SGCD: variants seen among roughly 807,000 people sequenced by gnomAD.
The protein encoded by SGCD is delta-sarcoglycan.
SGCD carries 18 observed loss-of-function variants against 36.6 expected under a neutral mutation model. The observed-to-expected ratio is 0.49, with a 90% CI of 0.34 to 0.73. The LOEUF (loss-of-function observed/expected upper bound fraction) is 0.73. SGCD is among the 30% of genes least tolerant of loss of function. The pLI is 0.01. For missense variants in SGCD, 387 were observed against 346.7 expected, an observed-to-expected ratio of 1.12 and a Z score of -0.92; for synonymous variants, 133 against 130.6, an observed-to-expected ratio of 1.02 and a Z score of -0.12.
chr5:156,519,184 G>A lies in SGCD; in HGVS notation c.294+10482G>A, dbSNP rs187924822. ...TGATCCCACAGAAATAGAAACAGCC[G>A]TCAGAGAATACTATAAACACCTCTA... On this transcript the variant is annotated intron_variant, in intron 4 of 8. Transcript: ENST00000337851. 4.8e-4 allele frequency among the ~76,000 whole-genome samples: 73 copies of A among 151,930 alleles called. 1 individual carries two copies. The highest frequency in any genetic ancestry group is 1.3e-3 in the African/African-American group (55 of 41,486).
At chr5:155,975,569 A>G (rs1404564832) in intron 1 of SGCD, among the ~76,000 whole-genome samples, 2 of 114,122 alleles carry the variant, frequency 1.8e-5, no homozygotes, top group African/African-American at 3.3e-5. Flanking sequence ...TGCGTTTACT[A>G]TATTCAGAGA....
chr5:156,419,273 G>A (rs570381591), intron 3 of SGCD, among the ~76,000 whole-genome samples: 47 of 152,094 alleles, frequency 3.1e-4, no homozygotes, highest in Non-Finnish European at 5.7e-4. Flanking sequence ...ATTTATCTTA[G>A]CAAAAGAATG....
intron 4 of SGCD, among the ~76,000 whole-genome samples, chr5:156,547,441 CTT>C (rs398065337): frequency 6.9e-6 from 1 of 145,170 alleles, no homozygotes; most frequent in Non-Finnish European, 1.5e-5. Context: ...GATAATATGA[CTT>C]TTTTTTTTTT....
At chr5:156,014,046 A>G (rs1198736971) in intron 1 of SGCD, among the ~76,000 whole-genome samples, 1 of 151,600 alleles carries the variant, frequency 6.6e-6, no homozygotes, top group Non-Finnish European at 1.5e-5. Context: ...ATTTTGCTGG[A>G]TCAATCTTTT....
intron 3 of SGCD, among the ~76,000 whole-genome samples, chr5:156,256,094 G>A (rs1260362442): frequency 6.6e-6 from 1 of 152,112 alleles, no homozygotes; most frequent in Non-Finnish European, 1.5e-5. Context: ...CATTTATTAA[G>A]AGCCTATTGT....
chr5:156,104,150 A>G (rs975800082), intron 1 of SGCD, among the ~76,000 whole-genome samples: 5 of 152,120 alleles, frequency 3.3e-5, no homozygotes, highest in African/African-American at 1.2e-4. Flanking sequence ...TCTGGACCAC[A>G]TACTGGTTAA....
In SGCD at chr5:156,162,815, C is replaced by T. The variant is rs566876543; in HGVS notation, c.-44+38796C>T. Among the ~76,000 whole-genome samples the T allele has an allele frequency of 1.6e-4, 24 of 151,820 alleles. 3 individuals are homozygous for T. Among genetic ancestry groups the T allele is most frequent in the African/African-American group, 5.1e-4 (21 of 41,094 alleles). On this transcript the variant is annotated intron_variant, in intron 3 of 9. Coordinates refer to the SGCD transcript ENST00000517913. Reference sequence around the variant, plus strand: ...CTAAAACATTCTGCCTCCTGAATTACATGTAGGGTATGAACCATAATTCCC... The same window carrying T: ...CTAAAACATTCTGCCTCCTGAATTATATGTAGGGTATGAACCATAATTCCC...
intron 1 of SGCD, among the ~76,000 whole-genome samples, chr5:156,079,334 T>A (rs1760885823): frequency 6.6e-6 from 1 of 152,246 alleles, no homozygotes. Flanking sequence ...TGGGGACATA[T>A]AATCAAACCA....
chr5:156,277,568 C>T (rs1380742523), intron 3 of SGCD, among the ~76,000 whole-genome samples: 1 of 152,032 alleles, frequency 6.6e-6, no homozygotes, highest in African/African-American at 2.4e-5. Flanking sequence ...GAGAGCACTT[C>T]GATGACAAAT....
At chr5:156,181,773 G>A (rs1763612595) in intron 3 of SGCD, among the ~76,000 whole-genome samples, 1 of 152,176 alleles carries the variant, frequency 6.6e-6, no homozygotes, top group Non-Finnish European at 1.5e-5. Context: ...ATGGTTAGGA[G>A]GCTGGAGGAA....
At chr5:156,720,335 A>G (rs1271094301) in intron 7 of SGCD, among the ~76,000 whole-genome samples, 2 of 152,202 alleles carry the variant, frequency 1.3e-5, no homozygotes, top group East Asian at 1.9e-4. Context: ...GGATTCTGTT[A>G]TAAATGGGTG....
intron 1 of SGCD, among the ~76,000 whole-genome samples, chr5:155,980,936 G>C (rs912339578): frequency 6.6e-6 from 1 of 152,162 alleles, no homozygotes; most frequent in African/African-American, 2.4e-5. Context: ...GCACCATCTG[G>C]GAAACCAGTG....
At chr5:156,142,060 T>C (rs1762594489) in intron 3 of SGCD, among the ~76,000 whole-genome samples, 2 of 152,182 alleles carry the variant, frequency 1.3e-5, no homozygotes, top group East Asian at 1.9e-4. Flanking sequence ...GGGAGCAGTT[T>C]CTCATGGTTT....
intron 2 of SGCD, 40 bp downstream of exon 2, chr5:156,329,619 C>T (rs1198944442): frequency 6.3e-7 from 1 of 1,589,650 alleles, no homozygotes; most frequent in Non-Finnish European, 8.6e-7. Flanking sequence ...CAAGGCCCTG[C>T]TCATGGTCAT....
chr5:156,510,792 G>A (rs1756892682), intron 4 of SGCD, among the ~76,000 whole-genome samples: 2 of 152,152 alleles, frequency 1.3e-5, no homozygotes, highest in South Asian at 4.1e-4. Context: ...AACATAAGAA[G>A]AACAGTTGAT....
intron 7 of SGCD, among the ~76,000 whole-genome samples, chr5:156,744,231 C>T (rs1455268062): frequency 2.0e-5 from 3 of 152,166 alleles, no homozygotes; most frequent in Non-Finnish European, 4.4e-5. Flanking sequence ...AACAACATTT[C>T]CCAAAATCCT....
chr5:156,363,334 A>T (rs1278012151), intron 3 of SGCD, among the ~76,000 whole-genome samples: 2 of 152,178 alleles, frequency 1.3e-5, no homozygotes, highest in Admixed American at 1.3e-4. Context: ...TTATTAAGGG[A>T]GTCAGTGATT....
At chr5:155,891,757 G>C (rs137997895) in intron 1 of SGCD, among the ~76,000 whole-genome samples, 2 of 151,842 alleles carry the variant, frequency 1.3e-5, no homozygotes, top group Non-Finnish European at 2.9e-5. Context: ...AAGCCCTAGG[G>C]ACTATAGCAC....
intron 8 of SGCD, 22 bp downstream of exon 8, chr5:156,757,726 A>C: frequency 6.3e-7 from 1 of 1,595,144 alleles, no homozygotes; most frequent in Non-Finnish European, 8.5e-7. Context: ...GAAGGACAGA[A>C]GTTCAAAGAG....
Sources: allele counts gnomAD v4.1 joint callset (sites outside exome capture counted in the v4.1 genomes callset), GRCh38; gene constraint gnomAD v4.1.1; transcripts MANE v1.5; gene names NCBI Gene and HGNC (gene_info 2026-07-23, HGNC 2026-07-21).